MKI67: variants seen among roughly 807,000 people sequenced by gnomAD.
MKI67 encodes marker of proliferation Ki-67.
MKI67 carries 152 observed loss-of-function variants against 233.5 expected under a neutral mutation model. That is an observed-to-expected ratio of 0.65 (90% CI 0.57 to 0.74). MKI67 has a LOEUF of 0.74. Among genes scored for constraint, MKI67 ranks in the 30% least tolerant of loss-of-function variants. The pLI, the probability that MKI67 is intolerant of heterozygous loss-of-function variation, is 0.00. For synonymous variants in MKI67, 1,465 were observed against 1,418.5 expected (o/e 1.03, Z -0.74); for missense variants, 3,940 against 3,885.2 (o/e 1.01, Z -0.37).
rs761903387 is a variant in MKI67 at position 128,102,799 on chromosome 10, C to A, written c.9041G>T (p.Cys3014Phe). Residue 3014 changes from cysteine to phenylalanine, a missense_variant, in exon 13 of 15, where the codon TGC (cysteine) becomes TTC (phenylalanine). Cys to Phe is a radical substitution (Grantham distance 205). Coordinates refer to ENST00000368654, the MANE Select transcript of MKI67 (RefSeq NM_002417.5). ...GSVTGTKRLR[C>F]MPAPEEIVEE... ...CACAATTTCCTCTGGTGCTGGCATG[C>A]AGCGCAGCCTCTTGGTTCCCGTGAC... 6.2e-7 allele frequency: 1 copy of A among 1,614,232 alleles called. No homozygotes were observed. Among genetic ancestry groups the A allele is most frequent in the Non-Finnish European group, 8.5e-7 (1 of 1,180,044 alleles).
Position 128,105,724 on chromosome 10 carries a change from A to G in MKI67, c.6116T>C (p.Ile2039Thr). The change falls in exon 13 of 15, where the codon ATC (isoleucine) becomes ACC (threonine). Residue 2039 changes from isoleucine (I) to threonine (T), a missense_variant. Ile to Thr is a moderately conservative substitution (Grantham distance 89). Coordinates refer to ENST00000368654, the MANE Select transcript of MKI67 (RefSeq NM_002417.5). ...HRETAGDGKS[I>T]KAFKESAKQM... ...CTTTGCAGATTCCTTAAACGCTTTG[A>G]TGCTCTTTCCATCTCCTGCTGTCTC... is the stretch of plus-strand genomic sequence containing the variant. 6.2e-7 allele frequency: 1 copy of G among 1,613,464 alleles called. No individual in the cohort carries two copies. The highest frequency in any genetic ancestry group is 8.5e-7 in the Non-Finnish European group (1 of 1,179,888).
Position 128,108,081 on chromosome 10 carries a change from A to G in MKI67, c.3759T>C (p.Ser1253=), listed in dbSNP as rs1188789704. ...GGGTGTCCACTGGGTCTGACTGTGG[A>G]GAGTCGCAGGGTATTTTAGTGGTTT... is the stretch of plus-strand genomic sequence containing the variant. ...AGKTTKIPCD[S]PQSDPVDTPT... The change falls in exon 13 of 15, where the codon TCT becomes TCC. Residue 1253 remains serine (S), a synonymous_variant. Transcript: ENST00000368654. 3.1e-6 allele frequency: 5 copies of G among 1,612,578 alleles called. No homozygotes were observed. Among genetic ancestry groups the G allele is most frequent in the Non-Finnish European group, 4.2e-6 (5 of 1,179,756 alleles).
Position 128,108,159 on chromosome 10 carries a change from A to T in MKI67, c.3681T>A (p.Phe1227Leu). The stretch of plus-strand genomic sequence containing the variant: ...GACCAGGAGTCTGGAAGAGCTCTTT[A>T]AAGCCAGCCAGGTCTTCTAGAGCCT... ...KAQALEDLAG[F>L]KELFQTPGHT... Residue 1227 changes from phenylalanine (F) to leucine (L), a missense_variant, in exon 13 of 15, where the codon TTT (phenylalanine) becomes TTA (leucine). Transcript: ENST00000368654. The T allele has an allele frequency of 1.2e-6, 2 of 1,612,448 alleles. No individual in the cohort carries two copies. Among genetic ancestry groups the T allele is most frequent in the Non-Finnish European group, 1.7e-6 (2 of 1,179,538 alleles).
intron 7 of MKI67, among the ~76,000 whole-genome samples, chr10:128,114,149 A>C (rs576893485): frequency 2.0e-5 from 3 of 152,258 alleles, no homozygotes; most frequent in South Asian, 4.1e-4. Flanking sequence ...ACCTTATTTT[A>C]TCGACAGCCT....
rs1310571698 is a variant in MKI67 at position 128,108,426 on chromosome 10, G to A, written c.3414C>T (p.Asp1138=). 6.2e-7 allele frequency: 1 copy of A among 1,614,170 alleles called. No individual in the cohort carries two copies. Among genetic ancestry groups the A allele is most frequent in the Non-Finnish European group, 8.5e-7 (1 of 1,180,038 alleles). The stretch of plus-strand genomic sequence containing the variant: ...GCCATTGCTTTGTGCTTGTTGGAGT[G>A]TCCACTGATTCTGGTGGTGGAGATT... ...ACKSPPPESV[D]TPTSTKQWPK... Residue 1138 remains aspartate (D), a synonymous_variant, in exon 13 of 15, where the codon GAC becomes GAT. Transcript: ENST00000368654.
rs766190254 is a variant in MKI67 at position 128,110,567 on chromosome 10, A to G, written c.2261-34T>C. On this transcript the variant is annotated intron_variant, in intron 11 of 14. Coordinates refer to ENST00000368654, the MANE Select transcript of MKI67 (RefSeq NM_002417.5). ...TGAAAATATTTGAAAAGTGATTGAC[A>G]TATTGCTAACATGCAGACAACCATC... The G allele has an allele frequency of 1.0e-5, 15 of 1,499,806 alleles. No individual in the cohort carries two copies. In the African/African-American group the frequency reaches 1.4e-4, roughly 14 times the overall value. The allele number at this position is 1,499,806 out of a possible 1,614,324, so 92.9% of individuals were successfully genotyped here. A position where few individuals can be genotyped will look rare whatever the true frequency, so the allele number is the denominator to read the frequency against.
In MKI67 at chr10:128,101,280, C is replaced by T. The variant is rs767274022; in HGVS notation, c.9683G>A (p.Arg3228Lys). 4.3e-6 allele frequency: 7 copies of T among 1,614,092 alleles called. No homozygotes were observed. The Admixed American group carries it at 1.2e-4, about 27-fold the overall frequency. The change falls in exon 14 of 15, where the codon AGG (arginine) becomes AAG (lysine). Residue 3228 changes from arginine (R) to lysine (K), a missense_variant. Transcript: ENST00000368654. ...TACCTTCTTTGGATTTTCTGCACACCTCTTGACACTCCGCGTTACTCTCTG... is the reference window on the plus strand; with the variant it reads ...TACCTTCTTTGGATTTTCTGCACACTTCTTGACACTCCGCGTTACTCTCTG... Reference protein sequence around the residue: ...SVQRVTRSVKRCAENPKKAED... With the variant: ...SVQRVTRSVKKCAENPKKAED...
At chr10:128,116,925 C>T (rs1179809051) in intron 5 of MKI67, among the ~76,000 whole-genome samples, 1 of 152,090 alleles carries the variant, frequency 6.6e-6, no homozygotes, top group African/African-American at 2.4e-5. Flanking sequence ...AAAATAAAAA[C>T]AATAAAAAAT....
chr10:128,108,762 C>G lies in MKI67; in HGVS notation c.3078G>C (p.Lys1026Asn). 6.2e-7 allele frequency: 1 copy of G among 1,614,190 alleles called. No individual in the cohort carries two copies. Among genetic ancestry groups the G allele is most frequent in the South Asian group, 1.1e-5 (1 of 91,086 alleles). The part of the protein sequence containing the change: ...NTPTHTKQQL[K>N]ASLGKVGVKE... ...TCACACCTACTTTCCCCAGGGATGCCTTCAACTGTTGTTTTGTGTGTGTTG... is the reference window on the plus strand; with the variant it reads ...TCACACCTACTTTCCCCAGGGATGCGTTCAACTGTTGTTTTGTGTGTGTTG... Residue 1026 changes from lysine to asparagine, a missense_variant, in exon 13 of 15, where the codon AAG becomes AAC. By Grantham distance (94) the Lys-to-Asn change is moderately conservative. Coordinates refer to ENST00000368654, the MANE Select transcript of MKI67 (RefSeq NM_002417.5).
In MKI67 at chr10:128,109,237, G is replaced by A. The variant is rs1404576779; in HGVS notation, c.2603C>T (p.Thr868Ile). Reference protein sequence around the residue: ...TSDTETEPSKTVSTANRSGRS... With the variant: ...TSDTETEPSKIVSTANRSGRS... The stretch of plus-strand genomic sequence containing the variant: ...TCCTGACCTGTTTGCAGTGGATACT[G>A]TTTTTGAAGGCTCTGTCTCAGTATC... The change falls in exon 13 of 15, where the codon ACA (threonine) becomes ATA (isoleucine). Residue 868 changes from threonine (T) to isoleucine (I), a missense_variant. Transcript: ENST00000368654. 6.2e-7 allele frequency: 1 copy of A among 1,614,128 alleles called. No individual in the cohort carries two copies. Among genetic ancestry groups the A allele is most frequent in the Admixed American group, 1.7e-5 (1 of 60,014 alleles).
intron 5 of MKI67, among the ~76,000 whole-genome samples, chr10:128,117,949 T>C (rs551387412): frequency 7.9e-5 from 12 of 152,320 alleles, no homozygotes; most frequent in African/African-American, 2.6e-4. Context: ...AACCCACAGT[T>C]CAACTGGCTT....
In MKI67 at chr10:128,112,371, A is replaced by T; in HGVS notation, c.1731T>A (p.Val577=). 6.2e-7 allele frequency: 1 copy of T among 1,614,150 alleles called. No homozygotes were observed. The highest frequency in any genetic ancestry group is 8.5e-7 in the Non-Finnish European group (1 of 1,180,018). The change falls in exon 9 of 15, where the codon GTT becomes GTA. Residue 577 remains valine (V), a synonymous_variant. Transcript: ENST00000368654. Reference sequence around the variant, plus strand: ...TAGGACTAGGAGCTGGAGGGCTTATAACCAAGCTTTGTGCCTTCACTTCCA... The same window carrying T: ...TAGGACTAGGAGCTGGAGGGCTTATTACCAAGCTTTGTGCCTTCACTTCCA... The part of the protein sequence containing the change: ...IHVEVKAQSL[V]ISPPAPSPRK...
rs1852423380 is a variant in MKI67 at position 128,104,411 on chromosome 10, T to C, written c.7429A>G (p.Ser2477Gly). 1.2e-6 allele frequency: 2 copies of C among 1,614,008 alleles called. No homozygotes were observed. The highest frequency in any genetic ancestry group is 2.7e-5 in the African/African-American group (2 of 74,898). ...GGTATCTTGAGCCTTTGCTTGGAGCTTCTTGAGGTTTTGAATGACTCTGGC... is the reference window on the plus strand; with the variant it reads ...GGTATCTTGAGCCTTTGCTTGGAGCCTCTTGAGGTTTTGAATGACTCTGGC... ...PQPESFKTSRSSKQRLKIPLV... is the reference protein window; with the variant it reads ...PQPESFKTSRGSKQRLKIPLV... The change falls in exon 13 of 15, where the codon AGC (serine) becomes GGC (glycine). Residue 2477 changes from serine to glycine, a missense_variant. Coordinates refer to ENST00000368654, the MANE Select transcript of MKI67 (RefSeq NM_002417.5).
At position 128,106,703 on chromosome 10, in the gene MKI67, A is replaced by G. The variant is rs780295672; in HGVS notation, c.5137T>C (p.Phe1713Leu). The G allele has an allele frequency of 2.9e-5, 47 of 1,613,972 alleles. 1 individual carries two copies. Among genetic ancestry groups the G allele is most frequent in the Non-Finnish European group, 5.1e-6 (6 of 1,180,036 alleles). ...CTTGGTGTCTGGAAGAGCTCGATGA[A>G]GCCGGCCAGGTCTTCAGGGACTTCA... Reference protein sequence around the residue: ...KSEVPEDLAGFIELFQTPSHT... With the variant: ...KSEVPEDLAGLIELFQTPSHT... Residue 1713 changes from phenylalanine (F) to leucine (L), a missense_variant, in exon 13 of 15, where the codon TTC (phenylalanine) becomes CTC (leucine). By Grantham distance (22) the Phe-to-Leu change is conservative (BLOSUM62 0). Transcript: ENST00000368654.
At chr10:128,123,067 T>C (rs1212371458) in intron 3 of MKI67, 24 bp downstream of exon 3, 1 of 1,605,130 alleles carries the variant, frequency 6.2e-7, no homozygotes, top group Admixed American at 1.7e-5. Flanking sequence ...GCTTTAAAAG[T>C]AGATCTTCAA....
In MKI67 at chr10:128,098,387, T is replaced by C. The variant is rs1852259597; in HGVS notation, c.*803A>G. The C allele has an allele frequency of 6.6e-6, 1 of 152,190 alleles. No individual in the cohort carries two copies. Among genetic ancestry groups the C allele is most frequent in the Admixed American group, 6.5e-5 (1 of 15,280 alleles). The allele number at this position is 152,190 out of a possible 1,614,324, so 9.4% of individuals were successfully genotyped here. On this transcript the variant is annotated 3_prime_UTR_variant, in exon 15 of 15. Coordinates refer to ENST00000368654, the MANE Select transcript of MKI67 (RefSeq NM_002417.5). ...AGAAAACAGGCGGGAGCAGAGCCAG[T>C]AAACTTCCGAAGCTTTCAATGACAG... is the stretch of plus-strand genomic sequence containing the variant.
intron 2 of MKI67, among the ~76,000 whole-genome samples, chr10:128,124,912 GGGT>G (rs1466518976): frequency 2.6e-5 from 2 of 76,458 alleles, no homozygotes; most frequent in East Asian, 4.5e-4. Flanking sequence ...TGGGAGGACA[GGGT>G]GAGGCCGGGA....
chr10:128,103,649 C>G lies in MKI67; in HGVS notation c.8191G>C (p.Val2731Leu). ...KRHLRTRVQK[V>L]QVKEEPSAVK... ...GCTGAAGGCTCTTCTTTTACTTGTA[C>G]CTTCTGCACACGTGTCCTGAGATGC... The change falls in exon 13 of 15, where the codon GTA becomes CTA. Residue 2731 changes from valine to leucine, a missense_variant. Physicochemically the swap from Val to Leu is conservative, Grantham distance 32. Transcript: ENST00000368654. The G allele has an allele frequency of 6.2e-7, 1 of 1,614,130 alleles. No homozygotes were observed.
chr10:128,112,522 A>G, intron 8 of MKI67, 77 bp from the exon 9 acceptor site: 1 of 1,377,580 alleles, frequency 7.3e-7, no homozygotes, highest in Non-Finnish European at 1.0e-6. Flanking sequence ...AAACCTATTC[A>G]GTTAAGAATT....
Sources: allele counts gnomAD v4.1 joint callset (sites outside exome capture counted in the v4.1 genomes callset), GRCh38; gene constraint gnomAD v4.1.1; transcripts MANE v1.5; gene names NCBI Gene and HGNC (gene_info 2026-07-23, HGNC 2026-07-21).